Variants in EFNA5 observed in about 807,000 individuals in gnomAD.
The protein encoded by EFNA5 is ephrin A5.
Under a neutral mutation model 22.9 loss-of-function variants are expected in EFNA5, and 5 were observed. That is an observed-to-expected ratio of 0.22 (90% CI 0.11 to 0.46). EFNA5 has a LOEUF of 0.46. Ranked by LOEUF, EFNA5 falls within the 20% of genes least tolerant of loss-of-function variation. The pLI is 0.99. For synonymous variants in EFNA5, 113 were observed against 112.2 expected, an observed-to-expected ratio of 1.01 and a Z score of -0.04; for missense variants, 237 against 293.3, an observed-to-expected ratio of 0.81 and a Z score of 1.40.
At chr5:107,491,106 A>G (rs1037102045) in intron 1 of EFNA5, among the ~76,000 whole-genome samples, 25 of 152,188 alleles carry the variant, frequency 1.6e-4, no homozygotes, top group African/African-American at 6.0e-4. Flanking sequence ...AGAATTCCGT[A>G]ATAAAATGTT....
intron 2 of EFNA5, among the ~76,000 whole-genome samples, chr5:107,409,231 G>A (rs1053110240): frequency 6.6e-6 from 1 of 152,162 alleles, no homozygotes; most frequent in African/African-American, 2.4e-5. Context: ...GATCACCAGC[G>A]CTAGAAGCAC....
rs150213896 is a variant in EFNA5 at position 107,503,705 on chromosome 5, T to C, written c.126-76196A>G. Among the ~76,000 whole-genome samples the C allele has an allele frequency of 4.1e-3, 629 of 152,318 alleles. 5 individuals carry two copies. The highest frequency in any genetic ancestry group is 6.3e-3 in the Non-Finnish European group (431 of 68,018). Reference sequence around the variant, plus strand: ...TTATAAAGAGATAAGGTCTTAAGGATAAGGCTATTTGTAACCCAAGCTATC... The same window carrying C: ...TTATAAAGAGATAAGGTCTTAAGGACAAGGCTATTTGTAACCCAAGCTATC... On this transcript the variant is annotated intron_variant, in intron 1 of 4. Transcript: ENST00000333274.
At chr5:107,575,649 C>T (rs1748912891) in intron 1 of EFNA5, among the ~76,000 whole-genome samples, 1 of 152,102 alleles carries the variant, frequency 6.6e-6, no homozygotes, top group Non-Finnish European at 1.5e-5. Context: ...TGTAGACCTA[C>T]TGAGCTCAAT....
intron 1 of EFNA5, among the ~76,000 whole-genome samples, chr5:107,500,796 T>A (rs1044628132): frequency 3.3e-5 from 5 of 152,106 alleles, no homozygotes; most frequent in African/African-American, 4.8e-5. Flanking sequence ...CAAAGGTCTT[T>A]AAGGGATATT....
chr5:107,645,140 G>C (rs1405314907), intron 1 of EFNA5, among the ~76,000 whole-genome samples: 1 of 152,150 alleles, frequency 6.6e-6, no homozygotes, highest in African/African-American at 2.4e-5. Context: ...TAGTTATTTA[G>C]AGTCAATTAT....
chr5:107,396,892 G>C (rs1368527620), intron 2 of EFNA5, among the ~76,000 whole-genome samples: 1 of 152,082 alleles, frequency 6.6e-6, no homozygotes. Flanking sequence ...AGGGACCGTA[G>C]GACAAGGATG....
intron 1 of EFNA5, among the ~76,000 whole-genome samples, chr5:107,525,701 A>T (rs937684590): frequency 1.3e-5 from 2 of 152,172 alleles, no homozygotes; most frequent in African/African-American, 4.8e-5. Context: ...CATCATGATG[A>T]GTAGGCTGAG....
At chr5:107,556,652 G>A (rs974035861) in intron 1 of EFNA5, among the ~76,000 whole-genome samples, 40 of 151,760 alleles carry the variant, frequency 2.6e-4, no homozygotes, top group Non-Finnish European at 1.6e-4. Context: ...AGGCTGGCAC[G>A]GGAGAATCGC....
chr5:107,576,455 T>C (rs1329217842), intron 1 of EFNA5, among the ~76,000 whole-genome samples: 1 of 152,176 alleles, frequency 6.6e-6, no homozygotes, highest in African/African-American at 2.4e-5. Context: ...TGCCGTCCTA[T>C]TCATAAAATC....
chr5:107,548,838 T>G (rs143918495), intron 1 of EFNA5, among the ~76,000 whole-genome samples: 1 of 152,330 alleles, frequency 6.6e-6, no homozygotes, highest in African/African-American at 2.4e-5. Flanking sequence ...TTCAACAGTG[T>G]AAAGTGGAAG....
At chr5:107,577,382 AT>A (rs542101235) in intron 1 of EFNA5, among the ~76,000 whole-genome samples, 199 of 152,286 alleles carry the variant, frequency 1.3e-3, no homozygotes, top group African/African-American at 4.6e-3. Context: ...TAAATTTCAG[AT>A]ATTACTGTAG....
At chr5:107,426,779 G>A (rs139821620) in intron 2 of EFNA5, among the ~76,000 whole-genome samples, 275 of 152,318 alleles carry the variant, frequency 1.8e-3, no homozygotes, top group Admixed American at 4.4e-3. Flanking sequence ...TCAACATGCT[G>A]ACATGTCCAG....
chr5:107,591,410 C>A (rs1270777159), intron 1 of EFNA5, among the ~76,000 whole-genome samples: 1 of 152,142 alleles, frequency 6.6e-6, no homozygotes, highest in East Asian at 1.9e-4. Context: ...CCCCACCTCT[C>A]CCTATTCTTT....
intron 1 of EFNA5, among the ~76,000 whole-genome samples, chr5:107,508,382 C>G (rs1034109139): frequency 1.3e-5 from 2 of 152,188 alleles, no homozygotes; most frequent in African/African-American, 4.8e-5. Flanking sequence ...ATTATTCACA[C>G]AGACACAAAC....
At chr5:107,480,161 C>T (rs1001380355) in intron 1 of EFNA5, among the ~76,000 whole-genome samples, 3 of 152,198 alleles carry the variant, frequency 2.0e-5, no homozygotes, top group East Asian at 1.9e-4. Context: ...TCACAAAGCT[C>T]TAGTTAAAAT....
chr5:107,399,624 G>A (rs1001317617), intron 2 of EFNA5, among the ~76,000 whole-genome samples: 2 of 152,138 alleles, frequency 1.3e-5, no homozygotes, highest in Non-Finnish European at 2.9e-5. Flanking sequence ...ACAGGTAAGG[G>A]TGACATTGTC....
intron 1 of EFNA5, among the ~76,000 whole-genome samples, chr5:107,547,029 A>G (rs1748174810): frequency 6.6e-6 from 1 of 152,176 alleles, no homozygotes; most frequent in Non-Finnish European, 1.5e-5. Flanking sequence ...TAAGGAGCAG[A>G]AAAGAAGTCA....
intron 1 of EFNA5, among the ~76,000 whole-genome samples, chr5:107,615,705 C>T (rs1276611759): frequency 6.6e-6 from 1 of 152,300 alleles, no homozygotes; most frequent in East Asian, 1.9e-4. Flanking sequence ...TAAAAGCTTG[C>T]TTCACTTAAA....
intron 1 of EFNA5, among the ~76,000 whole-genome samples, chr5:107,583,642 T>A (rs1242165895): frequency 6.6e-6 from 1 of 151,954 alleles, no homozygotes; most frequent in Non-Finnish European, 1.5e-5. Flanking sequence ...AAAGACAGAG[T>A]GGACACAAGG....
Sources: allele counts gnomAD v4.1 joint callset (sites outside exome capture counted in the v4.1 genomes callset), GRCh38; gene constraint gnomAD v4.1.1; transcripts MANE v1.5; gene names NCBI Gene and HGNC (gene_info 2026-07-23, HGNC 2026-07-21).